Variants in DNAH8 observed in about 807,000 individuals in gnomAD.
DNAH8 encodes axonemal beta dynein heavy chain 8.
In DNAH8, 382 loss-of-function variants were observed where a neutral mutation model predicts 562.1. That is an observed-to-expected ratio of 0.68 (90% CI 0.63 to 0.74). The LOEUF (loss-of-function observed/expected upper bound fraction) is 0.74. Ranked by LOEUF, DNAH8 falls within the 30% of genes least tolerant of loss-of-function variation. The pLI is 0.00. For missense variants in DNAH8, 5,203 were observed against 5,620.4 expected (o/e 0.93, Z 2.37); for synonymous variants, 1,881 against 1,919.4 (o/e 0.98, Z 0.52).
chr6:38,760,851 C>T (rs529367383), intron 10 of DNAH8, among the ~76,000 whole-genome samples: 53 of 152,172 alleles, frequency 3.5e-4, no homozygotes, highest in South Asian at 1.9e-3. Flanking sequence ...AAGCAGATGC[C>T]GGTGCTATGC....
intron 91 of DNAH8, among the ~76,000 whole-genome samples, chr6:39,017,441 T>C (rs1360430019): frequency 2.0e-5 from 3 of 152,190 alleles, no homozygotes; most frequent in Non-Finnish European, 2.9e-5. Context: ...AACATCTTAA[T>C]TGATAGCCAT....
chr6:38,985,363 G>A (rs540075015), intron 87 of DNAH8, among the ~76,000 whole-genome samples: 77 of 152,228 alleles, frequency 5.1e-4, no homozygotes, highest in Admixed American at 9.2e-4. Context: ...AACCTATACC[G>A]GTAATTCTCT....
chr6:38,923,627 TA>T (rs753672143), intron 72 of DNAH8: 6 of 181,046 alleles, frequency 3.3e-5, no homozygotes, highest in South Asian at 1.9e-4. Context: ...AAAATAAAAA[TA>T]AAAAAATAAA....
chr6:38,789,003 C>T (rs1769447711), intron 18 of DNAH8, among the ~76,000 whole-genome samples: 1 of 152,090 alleles, frequency 6.6e-6, no homozygotes, highest in Non-Finnish European at 1.5e-5. Context: ...CATGCATGAG[C>T]TTTTTTACTG....
intron 68 of DNAH8, among the ~76,000 whole-genome samples, chr6:38,915,880 A>G (rs1012182220): frequency 1.3e-5 from 2 of 152,054 alleles, no homozygotes; most frequent in African/African-American, 4.8e-5. Context: ...ACATACACAT[A>G]TATGTGCATG....
rs201058120 is a variant in DNAH8, at chr6:38,754,576, T to C, written c.1408-1396T>C. ...ATCACCATTAAAAACACATTTTATA[T>C]ATTTTATCTTGTCTTATCAATTAAA... On this transcript the variant is annotated intron_variant, in intron 9 of 92. Transcript: ENST00000327475. Among the ~76,000 whole-genome samples, 14 of 152,242 alleles carry C rather than the reference T, an allele frequency of 9.2e-5. No individual in the cohort carries two copies. The South Asian group carries it at 2.9e-3, about 32-fold the overall frequency.
chr6:38,972,727 G>C (rs1383473185), intron 83 of DNAH8, among the ~76,000 whole-genome samples: 2 of 152,190 alleles, frequency 1.3e-5, no homozygotes, highest in African/African-American at 4.8e-5. Context: ...ACATGAGCAG[G>C]TGCAGCCATG....
At position 38,839,067 on chromosome 6, in the gene DNAH8, C is replaced by T. The variant is rs149427627; in HGVS notation, c.4466+1025C>T. Among the ~76,000 whole-genome samples, 441 of 152,260 alleles carry T rather than the reference C, an allele frequency of 2.9e-3. 2 individuals carry two copies. Among genetic ancestry groups the T allele is most frequent in the African/African-American group, 9.8e-3 (408 of 41,536 alleles). On this transcript the variant is annotated intron_variant, in intron 33 of 92. Coordinates refer to ENST00000327475, the MANE Select transcript of DNAH8 (RefSeq NM_001206927.2). ...TTCTCTTTCTAAAACAGTCATTCTC[C>T]AAACGTAATCCATTAGCCAATTGTG...
In DNAH8 at chr6:38,852,758, G is replaced by T. The variant is rs772045082; in HGVS notation, c.5531G>T (p.Arg1844Leu). 6.2e-7 allele frequency: 1 copy of T among 1,613,422 alleles called. No homozygotes were observed. Among genetic ancestry groups the T allele is most frequent in the Non-Finnish European group, 8.5e-7 (1 of 1,179,592 alleles). Residue 1844 changes from arginine to leucine, a missense_variant, in exon 40 of 93, where the codon CGC becomes CTC. Coordinates refer to ENST00000327475, the MANE Select transcript of DNAH8 (RefSeq NM_001206927.2). ...EVTFHAKDYD[R>L]IMAVISREGE... ...ACATTTCATGCAAAAGACTATGATCGCATCATGGCCGTCATATCAAGAGAA... is the reference window on the plus strand; with the variant it reads ...ACATTTCATGCAAAAGACTATGATCTCATCATGGCCGTCATATCAAGAGAA...
rs770624301 is a variant in DNAH8, at chr6:38,896,144, G to A, written c.8859G>A (p.Val2953=). 12 of 1,613,946 alleles carry A rather than the reference G, an allele frequency of 7.4e-6. No homozygotes were observed. The highest frequency in any genetic ancestry group is 1.0e-5 in the Non-Finnish European group (12 of 1,179,996). The change falls in exon 60 of 93, where the codon GTG becomes GTA. Residue 2953 remains valine (V), a synonymous_variant. Coordinates refer to ENST00000327475, the MANE Select transcript of DNAH8 (RefSeq NM_001206927.2). ...ASCILPEPYF[V]DFLREMPEPT... ...GTATTCTTCCTGAACCATACTTTGT[G>A]GATTTTCTTCGTGAGATGCCAGAAC...
intron 76 of DNAH8, among the ~76,000 whole-genome samples, chr6:38,933,151 G>T (rs978417301): frequency 1.3e-5 from 2 of 152,176 alleles, no homozygotes; most frequent in South Asian, 4.2e-4. Flanking sequence ...TGGTGCTGTG[G>T]GTTTATTTTG....
chr6:39,007,391 A>G (rs754604677), intron 88 of DNAH8, among the ~76,000 whole-genome samples: 2 of 152,236 alleles, frequency 1.3e-5, no homozygotes, highest in Non-Finnish European at 2.9e-5. Flanking sequence ...TCCCTTTTAG[A>G]TTTGCCTCTC....
At chr6:38,844,844 C>A (rs1010555969) in intron 35 of DNAH8, among the ~76,000 whole-genome samples, 11 of 152,178 alleles carry the variant, frequency 7.2e-5, no homozygotes, top group African/African-American at 1.2e-4. Flanking sequence ...TCCTCCTCTA[C>A]GAAGCTGTTC....
chr6:38,873,826 G>A (rs1327177202), intron 52 of DNAH8, among the ~76,000 whole-genome samples: 1 of 117,680 alleles, frequency 8.5e-6, no homozygotes, highest in Non-Finnish European at 1.8e-5. Flanking sequence ...AAATAAATAA[G>A]TAAATAAAAA....
chr6:38,762,371 C>T (rs1445410405), intron 11 of DNAH8, among the ~76,000 whole-genome samples: 1 of 152,176 alleles, frequency 6.6e-6, no homozygotes, highest in Non-Finnish European at 1.5e-5. Flanking sequence ...TGATAGATGA[C>T]ATTTTTAGAC....
intron 74 of DNAH8, chr6:38,929,302 C>T (rs912340214): frequency 1.2e-5 from 5 of 411,228 alleles, no homozygotes; most frequent in African/African-American, 6.2e-5. Flanking sequence ...TCATAGAGAC[C>T]CCATTACACA....
chr6:38,794,664 T>C (rs77520119), intron 21 of DNAH8, among the ~76,000 whole-genome samples: 2 of 152,220 alleles, frequency 1.3e-5, no homozygotes, highest in Non-Finnish European at 2.9e-5. Context: ...GCAGAATATA[T>C]TCTCTATTTC....
At chr6:38,942,802 G>A (rs75842375) in intron 79 of DNAH8, among the ~76,000 whole-genome samples, 1 of 152,146 alleles carries the variant, frequency 6.6e-6, no homozygotes, top group East Asian at 1.9e-4. Flanking sequence ...AGGCATGCTC[G>A]ATACTAAGAC....
chr6:38,725,713 A>C (rs1415005296), intron 3 of DNAH8, among the ~76,000 whole-genome samples: 1 of 152,210 alleles, frequency 6.6e-6, no homozygotes, highest in Non-Finnish European at 1.5e-5. Flanking sequence ...GTGTAGTTAC[A>C]GAGGCCCCTG....
Sources: gnomAD v4.1 joint callset for allele counts (sites outside exome capture counted in the v4.1 genomes callset) on GRCh38, gnomAD v4.1.1 for gene constraint, MANE v1.5 for transcripts, NCBI Gene and HGNC (gene_info 2026-07-23, HGNC 2026-07-21) for gene names.